BAG3: variants seen among roughly 807,000 people sequenced by gnomAD.
The protein encoded by BAG3 is BAG cochaperone 3.
In BAG3, 14 loss-of-function variants were observed where a neutral mutation model predicts 40.5. The ratio of observed to expected loss-of-function variants is 0.35; its 90% confidence interval spans 0.23 to 0.54. The LOEUF is 0.54. BAG3 is among the 20% of genes least tolerant of loss of function. The pLI is 0.91. For missense variants in BAG3, 788 were observed against 758.6 expected (o/e 1.04, Z -0.46); for synonymous variants, 302 against 307.8 (o/e 0.98, Z 0.20).
At chr10:119,662,270 T>TGTTGGCCAA (rs1185229129) in intron 1 of BAG3, among the ~76,000 whole-genome samples, 1 of 139,750 alleles carries the variant, frequency 7.2e-6, no homozygotes, top group African/African-American at 2.7e-5. Flanking sequence ...GGTTTCACCA[T>TGTTGGCCAA]GTTGGCCAAG....
intron 1 of BAG3, among the ~76,000 whole-genome samples, chr10:119,668,085 A>G (rs899891016): frequency 1.3e-5 from 2 of 152,160 alleles, no homozygotes; most frequent in Admixed American, 6.5e-5. Context: ...GGCTAATGTA[A>G]TGCCGCCGCC....
At chr10:119,659,335 T>A (rs1247458022) in intron 1 of BAG3, among the ~76,000 whole-genome samples, 10 of 152,306 alleles carry the variant, frequency 6.6e-5, no homozygotes, top group Non-Finnish European at 1.5e-4. Context: ...CTCAGCTGTG[T>A]CTGTGCAGCC....
rs752722473 is a variant in BAG3, at chr10:119,672,325, G to T, written c.578G>T (p.Arg193Met). The T allele has an allele frequency of 6.2e-7, 1 of 1,614,074 alleles. No individual in the cohort carries two copies. Among genetic ancestry groups the T allele is most frequent in the Admixed American group, 1.7e-5 (1 of 60,024 alleles). ...TCGGCCAGCCTGCCTTCCTCCGGCA[G>T]GAGCAGCCTGGGCAGTCACCAGCTC... Reference protein sequence around the residue: ...SSSASLPSSGRSSLGSHQLPR... With the variant: ...SSSASLPSSGMSSLGSHQLPR... The change falls in exon 3 of 4, where the codon AGG becomes ATG. Residue 193 changes from arginine (R) to methionine (M), a missense_variant. Physicochemically the swap from Arg to Met is moderately conservative, Grantham distance 91. Transcript: ENST00000369085. This position sits in a 1 kb window ranked among gnomAD's most constrained non-coding sequence, Gnocchi z 4.8.
At chr10:119,669,820 C>G (rs1049203631) in intron 1 of BAG3, 31 bp from the exon 2 acceptor site, 2 of 1,603,498 alleles carry the variant, frequency 1.2e-6, no homozygotes, top group Admixed American at 3.3e-5. Flanking sequence ...CAGTTTCTAA[C>G]CAGCCTGTGT....
intron 1 of BAG3, among the ~76,000 whole-genome samples, chr10:119,663,857 C>T (rs138489080): frequency 6.4e-4 from 97 of 152,286 alleles, no homozygotes; most frequent in South Asian, 3.3e-3. Flanking sequence ...GGCTTCCTCA[C>T]ACACCTACGG....
At chr10:119,661,372 C>G (rs1413394596) in intron 1 of BAG3, among the ~76,000 whole-genome samples, 1 of 152,160 alleles carries the variant, frequency 6.6e-6, no homozygotes, top group Admixed American at 6.5e-5. Context: ...TTAACTCTTG[C>G]AAAAACCCCT....
intron 1 of BAG3, among the ~76,000 whole-genome samples, chr10:119,659,449 CAG>C (rs530576808): frequency 1.4e-3 from 207 of 152,300 alleles, no homozygotes; most frequent in Non-Finnish European, 2.6e-3. Flanking sequence ...ACCCAGCTCT[CAG>C]GGGTGTAAAT....
intron 3 of BAG3, 53 bp from the exon 4 acceptor site, chr10:119,676,405 AACAATT>A (rs1425940661): frequency 1.9e-6 from 3 of 1,582,906 alleles, no homozygotes; most frequent in Non-Finnish European, 2.6e-6. Flanking sequence ...ACTAGCTACA[AACAATT>A]TCTGTGACTT....
intron 1 of BAG3, among the ~76,000 whole-genome samples, chr10:119,658,505 C>T (rs975309417): frequency 1.3e-5 from 2 of 152,238 alleles, no homozygotes; most frequent in Admixed American, 6.5e-5. Context: ...CCAGAGCACA[C>T]TTGAACTGAA....
At position 119,669,938 on chromosome 10, in the gene BAG3, C is replaced by T. The variant is rs1057517945; in HGVS notation, c.268C>T (p.Arg90Ter). The change falls in exon 2 of 4, where the codon CGA becomes TGA. Residue 90 changes from arginine to a stop codon, truncating the protein, a stop_gained. Transcript: ENST00000369085. LOFTEE classifies it high-confidence loss of function. The stretch of plus-strand genomic sequence containing the variant: ...AGGCCACCCTGTGTACCCCCAGCTC[C>T]GACCAGGCTACATTCCCATTCCTGT... ...REGHPVYPQL[R>*]PGYIPIPVLH... 6.2e-7 allele frequency: 1 copy of T among 1,614,252 alleles called. No homozygotes were observed. Among genetic ancestry groups the T allele is most frequent in the Non-Finnish European group, 8.5e-7 (1 of 1,180,038 alleles).
chr10:119,676,389 A>G, intron 3 of BAG3, 75 bp from the exon 4 acceptor site: 1 of 1,511,504 alleles, frequency 6.6e-7, no homozygotes, highest in Non-Finnish European at 9.1e-7. Context: ...TTTCTTTCTA[A>G]TCTGTACTAG....
At chr10:119,653,980 G>T (rs867168353) in intron 1 of BAG3, among the ~76,000 whole-genome samples, 1 of 152,164 alleles carries the variant, frequency 6.6e-6, no homozygotes, top group Admixed American at 6.5e-5. Flanking sequence ...TGGGACTGAT[G>T]AACTCAAGAA....
Position 119,676,401 on chromosome 10 carries a change from TACAA to T in BAG3, c.910-58_910-55del, listed in dbSNP as rs371874283. On this transcript the variant is annotated intron_variant, in intron 3 of 3. Coordinates refer to ENST00000369085, the MANE Select transcript of BAG3 (RefSeq NM_004281.4). The stretch of plus-strand genomic sequence containing the variant: ...AGTTTTCTTTCTAATCTGTACTAGC[TACAA>T]ACAATTTCTGTGACTTTCAGTCAGT... 834 of 1,571,614 alleles carry T rather than the reference TACAA, an allele frequency of 5.3e-4. 7 individuals carry two copies. In the African/African-American group the frequency reaches 9.7e-3, roughly 18 times the overall value.
At chr10:119,662,842 G>A (rs1021011944) in intron 1 of BAG3, among the ~76,000 whole-genome samples, 5 of 152,100 alleles carry the variant, frequency 3.3e-5, no homozygotes, top group South Asian at 2.1e-4. Context: ...GTGAAACCCC[G>A]TCTCTACTAA....
At position 119,651,644 on chromosome 10, in the gene BAG3, C is replaced by A; in HGVS notation, c.-32C>A. 2.6e-6 allele frequency: 4 copies of A among 1,513,214 alleles called. No homozygotes were observed. Among genetic ancestry groups the A allele is most frequent in the Non-Finnish European group, 1.8e-6 (2 of 1,128,164 alleles). 93.7% of individuals were successfully genotyped at this position (1,513,214 alleles called of 1,614,324 possible). A position where few individuals can be genotyped will look rare whatever the true frequency, so the allele number is the denominator to read the frequency against. ...CGGCGCCCGGAGCCAGCGCCCCGCA[C>A]CCGCGCCCCAGCGGGCAGACCCCAA... On this transcript the variant is annotated 5_prime_UTR_variant, in exon 1 of 4. Transcript: ENST00000369085.
At chr10:119,662,414 G>A (rs1847006709) in intron 1 of BAG3, among the ~76,000 whole-genome samples, 1 of 151,958 alleles carries the variant, frequency 6.6e-6, no homozygotes, top group South Asian at 2.1e-4. Context: ...TTTCCTGCCT[G>A]ATGGAGGCGA....
Position 119,676,515 on chromosome 10 carries a change from C to T in BAG3, c.961C>T (p.Pro321Ser), listed in dbSNP as rs376832654. Reference sequence around the variant, plus strand: ...ACCTGTTTCCCAGCCTGAAAACAAACCAGAAAGTAAGCCAGGCCCAGTTGG... The same window carrying T: ...ACCTGTTTCCCAGCCTGAAAACAAATCAGAAAGTAAGCCAGGCCCAGTTGG... ...TAPVSQPENK[P>S]ESKPGPVGPE... The change falls in exon 4 of 4, where the codon CCA (proline) becomes TCA (serine). Residue 321 changes from proline (P) to serine (S), a missense_variant. Coordinates refer to ENST00000369085, the MANE Select transcript of BAG3 (RefSeq NM_004281.4). The T allele has an allele frequency of 2.7e-5, 43 of 1,613,962 alleles. No individual in the cohort carries two copies. Among genetic ancestry groups the T allele is most frequent in the Non-Finnish European group, 3.6e-5 (42 of 1,180,024 alleles).
chr10:119,658,089 C>T (rs929494095), intron 1 of BAG3, among the ~76,000 whole-genome samples: 3 of 152,176 alleles, frequency 2.0e-5, no homozygotes, highest in Admixed American at 1.3e-4. Flanking sequence ...GGAGAACAAA[C>T]GTTTGCTGTT....
chr10:119,652,280 G>C (rs1483015067), intron 1 of BAG3, among the ~76,000 whole-genome samples: 1 of 152,158 alleles, frequency 6.6e-6, no homozygotes, highest in Non-Finnish European at 1.5e-5. Flanking sequence ...GACCCGCGGC[G>C]CACCCTGCTG....
Sources: gnomAD v4.1 joint callset for allele counts (sites outside exome capture counted in the v4.1 genomes callset) on GRCh38, gnomAD v4.1.1 for gene constraint, Gnocchi (gnomAD v3.1) non-coding constraint, MANE v1.5 for transcripts, NCBI Gene and HGNC (gene_info 2026-07-23, HGNC 2026-07-21) for gene names.